SLC7A2: variants seen among roughly 807,000 people sequenced by gnomAD.
SLC7A2 encodes the protein solute carrier family 7 member 2.
In SLC7A2, 48 loss-of-function variants were observed where a neutral mutation model predicts 58.9. The observed-to-expected ratio is 0.82, with a 90% confidence interval of 0.65 to 1.04. SLC7A2 has a LOEUF of 1.04. Among genes scored for constraint, SLC7A2 ranks in the 50% least tolerant of loss-of-function variants. SLC7A2 has a pLI of 0.00. For synonymous variants in SLC7A2, 363 were observed against 314.5 expected, an observed-to-expected ratio of 1.15 and a Z score of -1.63; for missense variants, 1,029 against 818.8, an observed-to-expected ratio of 1.26 and a Z score of -3.13.
chr8:17,508,655 TGGA>T (rs1270762409), intron 2 of SLC7A2, among the ~76,000 whole-genome samples: 1 of 151,988 alleles, frequency 6.6e-6, no homozygotes, highest in African/African-American at 2.4e-5. Flanking sequence ...ACCTGGGAGA[TGGA>T]GGTTACAGTG....
chr8:17,499,227 A>G (rs1800061189), intron 1 of SLC7A2: 1 of 150,678 alleles, frequency 6.6e-6, no homozygotes, highest in African/African-American at 2.4e-5. Context: ...CAACTTCTCT[A>G]TTTCACCTAG....
In SLC7A2 at chr8:17,543,422, C is replaced by G; in HGVS notation, c.83C>G (p.Thr28Ser). Residue 28 changes from threonine to serine, a missense_variant, in exon 3 of 13, where the codon ACC (threonine) becomes AGC (serine). Physicochemically the swap from Thr to Ser is moderately conservative, Grantham distance 58. Transcript: ENST00000494857. ...GTGACCCTGGACAGTCTAGAAGACACCAAATTATGCCGCTGCTTATCCACC... is the reference window on the plus strand; with the variant it reads ...GTGACCCTGGACAGTCTAGAAGACAGCAAATTATGCCGCTGCTTATCCACC... ...KIVTLDSLED[T>S]KLCRCLSTMD... 2 of 1,614,184 alleles carry G rather than the reference C, an allele frequency of 1.2e-6. No individual in the cohort carries two copies. The highest frequency in any genetic ancestry group is 1.7e-6 in the Non-Finnish European group (2 of 1,180,044).
rs778347415 is a variant in SLC7A2 at position 17,552,025 on chromosome 8, C to T, written c.1055+39C>T. The T allele has an allele frequency of 1.9e-6, 3 of 1,546,178 alleles. No individual in the cohort carries two copies. In the South Asian group the frequency reaches 3.3e-5, roughly 17 times the overall value. On this transcript the variant is annotated intron_variant, in intron 7 of 12. Coordinates refer to ENST00000494857, the MANE Select transcript of SLC7A2 (RefSeq NM_001370338.1). ...CCTTTGGGGCACGGGCTGTTTGGGA[C>T]TCTACAAAGTAGTCAGTGTCTAAAA...
intron 2 of SLC7A2, among the ~76,000 whole-genome samples, chr8:17,504,730 G>A (rs903873197): frequency 3.9e-5 from 6 of 152,172 alleles, no homozygotes; most frequent in South Asian, 2.1e-4. Context: ...CAACTTAAGC[G>A]CCATACTGTT....
At chr8:17,516,307 C>A (rs916208997) in intron 2 of SLC7A2, among the ~76,000 whole-genome samples, 9 of 152,032 alleles carry the variant, frequency 5.9e-5, no homozygotes, top group Non-Finnish European at 1.0e-4. Flanking sequence ...CTCACTGCAA[C>A]CTCCGCCTTC....
intron 2 of SLC7A2, among the ~76,000 whole-genome samples, chr8:17,542,844 T>C (rs1459287539): frequency 1.3e-5 from 2 of 151,590 alleles, no homozygotes; most frequent in African/African-American, 4.9e-5. Flanking sequence ...AACCCCGAGG[T>C]TGAGCTACTC....
intron 2 of SLC7A2, among the ~76,000 whole-genome samples, chr8:17,539,912 G>T (rs1242024319): frequency 6.6e-6 from 1 of 152,086 alleles, no homozygotes; most frequent in Non-Finnish European, 1.5e-5. Context: ...GAGTAAGATG[G>T]TCATAACCAT....
intron 6 of SLC7A2, among the ~76,000 whole-genome samples, chr8:17,550,840 G>C (rs549782079): frequency 6.6e-6 from 1 of 152,144 alleles, no homozygotes; most frequent in East Asian, 1.9e-4. Flanking sequence ...AAAAAATATT[G>C]TGTCAGTTCT....
intron 1 of SLC7A2, chr8:17,500,386 AGT>A (rs1486001045): frequency 6.6e-6 from 1 of 152,166 alleles, no homozygotes; most frequent in African/African-American, 2.4e-5. Flanking sequence ...TTGTTTTAGA[AGT>A]GGTGTTTGTG....
intron 10 of SLC7A2, among the ~76,000 whole-genome samples, chr8:17,561,565 G>A (rs79838296): frequency 0.021 from 3,198 of 152,162 alleles, 46 homozygotes; most frequent in Middle Eastern, 0.068. Context: ...CCATGTTTAC[G>A]ACAGCTTAAA....
Position 17,569,368 on chromosome 8 carries a change from C to G in SLC7A2, c.*4222C>G, listed in dbSNP as rs529117369. 283 of 152,340 alleles carry G rather than the reference C, an allele frequency of 1.9e-3. 3 individuals carry two copies. The highest frequency in any genetic ancestry group is 6.6e-3 in the African/African-American group (273 of 41,590). 9.4% of individuals were successfully genotyped at this position (152,340 alleles called of 1,614,324 possible). ...ACTGTCCTTTTTGCTAGTGCCAAAA[C>G]AGTGCCTTCTCTGCACACTTTACTT... On this transcript the variant is annotated 3_prime_UTR_variant, in exon 13 of 13. Transcript: ENST00000494857.
intron 8 of SLC7A2, 69 bp downstream of exon 8, chr8:17,554,768 C>T: frequency 2.0e-6 from 3 of 1,490,204 alleles, no homozygotes; most frequent in Non-Finnish European, 2.7e-6. Context: ...ATTAAAAATA[C>T]AAAGCTAGGT....
At chr8:17,509,034 T>C (rs568346251) in intron 2 of SLC7A2, among the ~76,000 whole-genome samples, 86 of 152,274 alleles carry the variant, frequency 5.6e-4, no homozygotes, top group Admixed American at 1.8e-3. Context: ...CGAATGATAT[T>C]ACTAAAGTGG....
intron 6 of SLC7A2, among the ~76,000 whole-genome samples, chr8:17,551,304 A>G (rs1802439056): frequency 6.6e-6 from 1 of 152,218 alleles, no homozygotes; most frequent in South Asian, 2.1e-4. Flanking sequence ...AATTTCATGT[A>G]AAACAGATGG....
rs200396224 is a variant in SLC7A2, at chr8:17,538,873, G to C, written c.-22-4445G>C. 5 of 1,613,822 alleles carry C rather than the reference G, an allele frequency of 3.1e-6. No individual in the cohort carries two copies. In the African/African-American group the frequency reaches 4.0e-5, roughly 13 times the overall value. On this transcript the variant is annotated intron_variant, in intron 2 of 12. Transcript: ENST00000494857. ...TAACTCAGACAAACTAATTTGTCGA[G>C]GGTTTATTGGAACACCTGCCCCACC...
At chr8:17,513,147 C>T (rs1563439003) in intron 2 of SLC7A2, among the ~76,000 whole-genome samples, 1 of 152,150 alleles carries the variant, frequency 6.6e-6, no homozygotes, top group East Asian at 1.9e-4. Flanking sequence ...CAAGACCCTG[C>T]TTTCAGTTTT....
intron 4 of SLC7A2, among the ~76,000 whole-genome samples, chr8:17,547,244 C>T (rs973300763): frequency 1.3e-5 from 2 of 151,996 alleles, no homozygotes; most frequent in Non-Finnish European, 2.9e-5. Context: ...AGGGAAAGAA[C>T]GTCTCACGGG....
At chr8:17,508,964 G>A (rs1431498844) in intron 2 of SLC7A2, among the ~76,000 whole-genome samples, 1 of 152,040 alleles carries the variant, frequency 6.6e-6, no homozygotes. Flanking sequence ...CCGCCTTTTG[G>A]TGGTGAGCTC....
At chr8:17,525,913 T>G (rs1043588666) in intron 2 of SLC7A2, among the ~76,000 whole-genome samples, 1 of 152,120 alleles carries the variant, frequency 6.6e-6, no homozygotes, top group African/African-American at 2.4e-5. Context: ...GCTTTACTTT[T>G]TGGTAGTATT....
Sources: allele counts gnomAD v4.1 joint callset (sites outside exome capture counted in the v4.1 genomes callset), GRCh38; gene constraint gnomAD v4.1.1; transcripts MANE v1.5; gene names NCBI Gene and HGNC (gene_info 2026-07-23, HGNC 2026-07-21).